Variants in MYRIP observed in about 807,000 individuals in gnomAD.
MYRIP encodes the protein rab effector MyRIP.
MYRIP carries 49 observed loss-of-function variants against 98.0 expected under a neutral mutation model. The observed-to-expected ratio is 0.50, with a 90% CI of 0.40 to 0.63. MYRIP has a LOEUF of 0.63. MYRIP is among the 30% of genes least tolerant of loss of function. The pLI, the probability that MYRIP is intolerant of heterozygous loss-of-function variation, is 0.00. For synonymous variants in MYRIP, 404 were observed against 409.5 expected (o/e 0.99, Z 0.16); for missense variants, 1,004 against 1,058.2 (o/e 0.95, Z 0.71).
intron 3 of MYRIP, among the ~76,000 whole-genome samples, chr3:40,127,500 G>A (rs1949547604): frequency 6.6e-6 from 1 of 152,216 alleles, no homozygotes; most frequent in African/African-American, 2.4e-5. Flanking sequence ...CAATTCTACA[G>A]AGTTAGATTC....
chr3:40,198,609 A>G (rs1951466092), intron 10 of MYRIP, among the ~76,000 whole-genome samples: 1 of 152,192 alleles, frequency 6.6e-6, no homozygotes, highest in Non-Finnish European at 1.5e-5. Flanking sequence ...GCCAGATACC[A>G]TTTTGAAATG....
rs1325995711 is a variant in MYRIP at position 40,244,515 on chromosome 3, T to G, written c.2170T>G (p.Cys724Gly). 7 of 1,613,872 alleles carry G rather than the reference T, an allele frequency of 4.3e-6. No homozygotes were observed. In the Admixed American group the frequency reaches 1.2e-4, roughly 27 times the overall value. ...GACTGAGCTAGAAGATGCCGCCCGC[T>G]GCATCCACAGTGGCACTGATGAGAC... ...QLTELEDAAR[C>G]IHSGTDETHL... Residue 724 changes from cysteine (C) to glycine (G), a missense_variant, in exon 13 of 17, where the codon TGC becomes GGC. Coordinates refer to ENST00000302541, the MANE Select transcript of MYRIP (RefSeq NM_015460.4).
At chr3:40,019,424 C>G (rs1946942339) in intron 2 of MYRIP, among the ~76,000 whole-genome samples, 1 of 152,168 alleles carries the variant, frequency 6.6e-6, no homozygotes, top group Non-Finnish European at 1.5e-5. Flanking sequence ...GCACATCCTT[C>G]CTGGCCTAGC....
At chr3:40,158,762 G>T (rs1197323161) in intron 4 of MYRIP, among the ~76,000 whole-genome samples, 7 of 149,150 alleles carry the variant, frequency 4.7e-5, no homozygotes, top group African/African-American at 1.8e-4. Context: ...GGCCTTCTTT[G>T]TCTCTTTTGA....
chr3:40,146,405 C>T (rs1214877798), intron 3 of MYRIP, among the ~76,000 whole-genome samples: 2 of 152,196 alleles, frequency 1.3e-5, no homozygotes, highest in African/African-American at 4.8e-5. Flanking sequence ...ATTGTATGTA[C>T]TGAAAGACAC....
At chr3:39,953,832 A>ACTT (rs1436319983) in intron 2 of MYRIP, among the ~76,000 whole-genome samples, 1 of 152,044 alleles carries the variant, frequency 6.6e-6, no homozygotes, top group East Asian at 1.9e-4. Flanking sequence ...CTAATACTGC[A>ACTT]CTTTTCCAAA....
intron 3 of MYRIP, among the ~76,000 whole-genome samples, chr3:40,093,929 A>G (rs1948775760): frequency 6.6e-6 from 1 of 151,354 alleles, no homozygotes; most frequent in South Asian, 2.1e-4. Flanking sequence ...CCACCTGTAT[A>G]TTTCCCCTCA....
intron 3 of MYRIP, among the ~76,000 whole-genome samples, chr3:40,047,934 A>G (rs926911334): frequency 3.9e-5 from 6 of 152,182 alleles, no homozygotes; most frequent in Non-Finnish European, 5.9e-5. Flanking sequence ...TTCATCATGT[A>G]ACACATTTAA....
chr3:40,215,454 G>A (rs928473803), intron 11 of MYRIP, among the ~76,000 whole-genome samples: 1 of 152,014 alleles, frequency 6.6e-6, no homozygotes, highest in African/African-American at 2.4e-5. Context: ...AGAATAATTT[G>A]TGCATCTTCT....
chr3:39,902,586 T>C (rs556478809), intron 2 of MYRIP, among the ~76,000 whole-genome samples: 74 of 152,334 alleles, frequency 4.9e-4, no homozygotes, highest in African/African-American at 1.0e-3. Context: ...GTAGATTGAT[T>C]GTCAATCCAT....
rs542583472 is a variant in MYRIP, at chr3:40,146,216, T to C, written c.333-4832T>C. ...TAAGAGGACTGTCATGTTGGCGTGG[T>C]AGTGGCATTTTTGCAAGGATCGTCA... On this transcript the variant is annotated intron_variant, in intron 3 of 16. Transcript: ENST00000302541. Among the ~76,000 whole-genome samples, 24 of 152,262 alleles carry C rather than the reference T, an allele frequency of 1.6e-4. No homozygotes were observed. The South Asian group carries it at 4.6e-3, about 29-fold the overall frequency.
intron 2 of MYRIP, among the ~76,000 whole-genome samples, chr3:39,963,126 C>T (rs762300722): frequency 2.6e-5 from 4 of 152,002 alleles, no homozygotes; most frequent in African/African-American, 4.8e-5. Flanking sequence ...GATTTGGATC[C>T]GGTATCAGCA....
intron 1 of MYRIP, among the ~76,000 whole-genome samples, chr3:39,845,912 TA>T (rs1424511976): frequency 1.3e-5 from 2 of 148,544 alleles, no homozygotes; most frequent in Non-Finnish European, 3.0e-5. Context: ...AATGAACAGG[TA>T]AAAACACTTA....
At chr3:40,093,356 C>A (rs1465548431) in intron 3 of MYRIP, among the ~76,000 whole-genome samples, 2 of 152,314 alleles carry the variant, frequency 1.3e-5, no homozygotes, top group African/African-American at 4.8e-5. Context: ...CACCACCTGG[C>A]AATCTTCCTT....
At chr3:40,156,531 A>C (rs1314711166) in intron 4 of MYRIP, among the ~76,000 whole-genome samples, 1 of 152,144 alleles carries the variant, frequency 6.6e-6, no homozygotes, top group Non-Finnish European at 1.5e-5. Flanking sequence ...TCTGTGAAGA[A>C]AGTAATTGGT....
chr3:40,038,727 A>G (rs61578746), intron 2 of MYRIP, among the ~76,000 whole-genome samples: 2,546 of 152,186 alleles, frequency 0.017, 67 homozygotes, highest in African/African-American at 0.057. Context: ...CAGGGGAAGG[A>G]GAGAGAGGGA....
intron 10 of MYRIP, among the ~76,000 whole-genome samples, chr3:40,190,846 G>A (rs546113652): frequency 2.3e-4 from 35 of 152,296 alleles, no homozygotes; most frequent in African/African-American, 7.9e-4. Flanking sequence ...CTGGCCTTGG[G>A]TTTAGGGTGA....
chr3:39,846,471 T>G (rs1485449606), intron 1 of MYRIP, among the ~76,000 whole-genome samples: 2 of 152,136 alleles, frequency 1.3e-5, no homozygotes, highest in Non-Finnish European at 2.9e-5. Flanking sequence ...CAGATGTGCA[T>G]TTCATTTCCT....
chr3:39,942,200 A>G (rs1944802064), intron 2 of MYRIP, among the ~76,000 whole-genome samples: 1 of 152,148 alleles, frequency 6.6e-6, no homozygotes, highest in Non-Finnish European at 1.5e-5. Context: ...ATGTGTGTTC[A>G]GTGCAGGTCA....
Sources: gnomAD v4.1 joint callset for allele counts (sites outside exome capture counted in the v4.1 genomes callset) on GRCh38, gnomAD v4.1.1 for gene constraint, MANE v1.5 for transcripts, NCBI Gene and HGNC (gene_info 2026-07-23, HGNC 2026-07-21) for gene names.